The following LARGE1 variants were observed in gnomAD, a reference collection of about 807,000 sequenced individuals.
The protein encoded by LARGE1 is LARGE xylosyl- and glucuronyltransferase 1.
LARGE1 carries 43 observed loss-of-function variants against 87.6 expected under a neutral mutation model. That is an observed-to-expected ratio of 0.49 (90% CI 0.38 to 0.63). The LOEUF is 0.63. Among genes scored for constraint, LARGE1 ranks in the 30% least tolerant of loss-of-function variants. The pLI, the probability that LARGE1 is intolerant of heterozygous loss-of-function variation, is 0.00. For missense variants in LARGE1, 802 were observed against 1,000.2 expected (o/e 0.80, Z 2.67); for synonymous variants, 434 against 394.6 (o/e 1.10, Z -1.18).
chr22:33,851,743 T>G (rs544370873), intron 1 of LARGE1, among the ~76,000 whole-genome samples: 1 of 152,312 alleles, frequency 6.6e-6, no homozygotes, highest in East Asian at 1.9e-4. Context: ...AGGGGTAGGC[T>G]CAGGGAAATG....
At chr22:33,793,309 T>C (rs2085881333) in intron 1 of LARGE1, among the ~76,000 whole-genome samples, 1 of 152,052 alleles carries the variant, frequency 6.6e-6, no homozygotes, top group African/African-American at 2.4e-5. Flanking sequence ...CCACATCTGA[T>C]AAAAGATACT....
intron 7 of LARGE1, among the ~76,000 whole-genome samples, chr22:33,388,714 C>G (rs890987257): frequency 6.6e-6 from 1 of 152,184 alleles, no homozygotes; most frequent in African/African-American, 2.4e-5. Flanking sequence ...TACAGGCACA[C>G]ACCACCACGC....
intron 1 of LARGE1, among the ~76,000 whole-genome samples, chr22:33,860,924 C>T (rs946788236): frequency 1.3e-5 from 2 of 152,140 alleles, no homozygotes; most frequent in Non-Finnish European, 2.9e-5. Context: ...ACCACAACCA[C>T]GACCCTTGCC....
intron 5 of LARGE1, among the ~76,000 whole-genome samples, chr22:33,593,539 G>T (rs2078902011): frequency 6.6e-6 from 1 of 152,122 alleles, no homozygotes; most frequent in South Asian, 2.1e-4. Context: ...TAATAAGCTT[G>T]TCTCCACCCT....
At chr22:33,236,974 A>G (rs5994703) in intron 11 of LARGE1, among the ~76,000 whole-genome samples, 2 of 152,220 alleles carry the variant, frequency 1.3e-5, no homozygotes, top group African/African-American at 4.8e-5. Context: ...AAGACAGTGG[A>G]TGTGGACAAG....
chr22:33,515,740 C>T (rs182602781), intron 6 of LARGE1, among the ~76,000 whole-genome samples: 25 of 152,274 alleles, frequency 1.6e-4, no homozygotes, highest in African/African-American at 5.5e-4. Flanking sequence ...CCCTGGTCAG[C>T]GCCCTGGATC....
At chr22:33,412,534 T>A (rs963622075) in intron 7 of LARGE1, among the ~76,000 whole-genome samples, 1 of 152,154 alleles carries the variant, frequency 6.6e-6, no homozygotes, top group African/African-American at 2.4e-5. Context: ...GCAAACAACC[T>A]TAGAAGCACA....
At chr22:33,723,556 G>A (rs1404527718) in intron 2 of LARGE1, among the ~76,000 whole-genome samples, 3 of 152,200 alleles carry the variant, frequency 2.0e-5, no homozygotes, top group Non-Finnish European at 4.4e-5. Flanking sequence ...ATATCAGGCG[G>A]ATTTGGGTAA....
intron 10 of LARGE1, among the ~76,000 whole-genome samples, chr22:33,329,064 A>C (rs1937483848): frequency 1.3e-5 from 2 of 152,216 alleles, no homozygotes; most frequent in African/African-American, 2.4e-5. Context: ...AGCTGTGCTC[A>C]TGCAGGAGAG....
chr22:33,548,309 T>A (rs1370993032), intron 6 of LARGE1, among the ~76,000 whole-genome samples: 9 of 152,238 alleles, frequency 5.9e-5, no homozygotes. Context: ...GACTGTAAGC[T>A]CCTTGAGGCC....
chr22:33,148,590 G>A, the LARGE1 span, among the ~76,000 whole-genome samples: 102 of 152,156 alleles, frequency 6.7e-4, no homozygotes, highest in African/African-American at 2.4e-3. Flanking sequence ...GGATTCCCAG[G>A]AGCAAGATGG....
In LARGE1 at chr22:33,865,832, C is replaced by CTTTTTTTT. The variant is rs3072359; in HGVS notation, c.-83+54155_-83+54162dup. 7.4e-3 allele frequency among the ~76,000 whole-genome samples: 210 copies of CTTTTTTTT among 28,394 alleles called. 77 individuals are homozygous for CTTTTTTTT. The highest frequency in any genetic ancestry group is 8.6e-3 in the Non-Finnish European group (125 of 14,470). 18.6% of individuals were successfully genotyped at this position (28,394 alleles called of 152,430 possible). A position where few individuals can be genotyped will look rare whatever the true frequency, so the allele number is the denominator to read the frequency against. ...TAAGCATTCAATGTTAGCTGTTATT[C>CTTTTTTTT]TTTTTTTTTTTTTTTTTTTTTTTTT... On this transcript the variant is annotated intron_variant, in intron 1 of 14. Coordinates refer to ENST00000397394, the MANE Select transcript of LARGE1 (RefSeq NM_133642.5).
chr22:33,509,774 T>G (rs2070965077), intron 6 of LARGE1, among the ~76,000 whole-genome samples: 1 of 152,216 alleles, frequency 6.6e-6, no homozygotes, highest in Non-Finnish European at 1.5e-5. Flanking sequence ...TCTGTGTTTT[T>G]ATAAATGATC....
intron 6 of LARGE1, among the ~76,000 whole-genome samples, chr22:33,497,361 C>T (rs921736223): frequency 6.6e-6 from 1 of 152,196 alleles, no homozygotes; most frequent in African/African-American, 2.4e-5. Context: ...CAGGTGTGAG[C>T]CAACAAACCC....
At chr22:33,133,006 A>G in the LARGE1 span, among the ~76,000 whole-genome samples, 1 of 152,194 alleles carries the variant, frequency 6.6e-6, no homozygotes, top group Non-Finnish European at 1.5e-5. Flanking sequence ...GACTAAGGCC[A>G]TTGAAGAAAT....
chr22:33,397,441 T>G (rs1313506185), intron 7 of LARGE1, among the ~76,000 whole-genome samples: 1 of 152,226 alleles, frequency 6.6e-6, no homozygotes, highest in African/African-American at 2.4e-5. Context: ...CACAATAGCA[T>G]AGTTTTATCC....
chr22:33,312,870 A>T lies in LARGE1; in HGVS notation c.1451+3215T>A, dbSNP rs5754520. On this transcript the variant is annotated intron_variant, in intron 11 of 14. Coordinates refer to ENST00000397394, the MANE Select transcript of LARGE1 (RefSeq NM_133642.5). ...TATAAATGCCATGGAGGAGAAGGAAACACATATGTGAAAAGAGGGACTTTG... is the reference window on the plus strand; with the variant it reads ...TATAAATGCCATGGAGGAGAAGGAATCACATATGTGAAAAGAGGGACTTTG... Among the ~76,000 whole-genome samples the T allele has an allele frequency of 7.3e-4, 111 of 152,302 alleles. No individual in the cohort carries two copies. In the East Asian group the frequency reaches 0.019, roughly 25 times the overall value.
intron 2 of LARGE1, among the ~76,000 whole-genome samples, chr22:33,694,681 C>T (rs2082190612): frequency 6.6e-6 from 1 of 152,048 alleles, no homozygotes; most frequent in Non-Finnish European, 1.5e-5. Flanking sequence ...TTCACATACA[C>T]ATACACATAC....
chr22:33,197,894 T>C (rs1388809089), intron 11 of LARGE1, among the ~76,000 whole-genome samples: 1 of 128,186 alleles, frequency 7.8e-6, no homozygotes, highest in Non-Finnish European at 1.7e-5. Flanking sequence ...ATCAAATCAG[T>C]ATGGAATTGG....
Sources: gnomAD v4.1 joint callset for allele counts (sites outside exome capture counted in the v4.1 genomes callset) on GRCh38, gnomAD v4.1.1 for gene constraint, MANE v1.5 for transcripts, NCBI Gene and HGNC (gene_info 2026-07-23, HGNC 2026-07-21) for gene names.